Variants in ZCCHC17 observed in about 807,000 individuals in gnomAD.
ZCCHC17 encodes the protein zinc finger CCHC domain-containing protein 17.
A neutral mutation model predicts 30.6 loss-of-function variants in ZCCHC17; 18 were observed. That is an observed-to-expected ratio of 0.59 (90% CI 0.41 to 0.87). ZCCHC17 has a LOEUF of 0.87. Among genes scored for constraint, ZCCHC17 ranks in the 40% least tolerant of loss-of-function variants. The pLI, the probability that ZCCHC17 is intolerant of heterozygous loss-of-function variation, is 0.00. For synonymous variants in ZCCHC17, 88 were observed against 92.4 expected, an observed-to-expected ratio of 0.95 and a Z score of 0.27; for missense variants, 263 against 284.2, an observed-to-expected ratio of 0.93 and a Z score of 0.54.
intron 7 of ZCCHC17, among the ~76,000 whole-genome samples, chr1:31,352,875 ACT>A (rs1272450198): frequency 1.3e-5 from 2 of 151,806 alleles, no homozygotes; most frequent in Admixed American, 6.6e-5. Context: ...CTGAGACCCC[ACT>A]CTTCTTTCTT....
intron 3 of ZCCHC17, 105 bp from the exon 4 acceptor site, chr1:31,337,070 T>A (rs1158071806): frequency 1.9e-6 from 2 of 1,059,286 alleles, no homozygotes; most frequent in Non-Finnish European, 2.7e-6. Context: ...AGTAAAAATT[T>A]TCATTTTTCC....
At chr1:31,355,043 C>A (rs59326036) in intron 7 of ZCCHC17, among the ~76,000 whole-genome samples, 1 of 151,824 alleles carries the variant, frequency 6.6e-6, no homozygotes. Flanking sequence ...GGCGTGGTGG[C>A]GAGGGCCTGT....
intron 7 of ZCCHC17, among the ~76,000 whole-genome samples, chr1:31,349,862 ATTAC>A (rs1639407824): frequency 6.6e-6 from 1 of 152,114 alleles, no homozygotes; most frequent in Non-Finnish European, 1.5e-5. Flanking sequence ...GATATTTTTT[ATTAC>A]TTCCAACCTA....
At chr1:31,331,369 C>T (rs535243995) in intron 3 of ZCCHC17, among the ~76,000 whole-genome samples, 11 of 151,900 alleles carry the variant, frequency 7.2e-5, no homozygotes, top group African/African-American at 2.7e-4. Context: ...TGGTCTAGAA[C>T]TCCTGACTTC....
intron 7 of ZCCHC17, among the ~76,000 whole-genome samples, chr1:31,349,680 C>T (rs928689157): frequency 2.6e-5 from 4 of 152,200 alleles, no homozygotes; most frequent in African/African-American, 9.6e-5. Context: ...GCTACACATA[C>T]ATGTAAATAC....
intron 3 of ZCCHC17, among the ~76,000 whole-genome samples, chr1:31,335,013 A>C (rs113643012): frequency 1.3e-5 from 2 of 152,210 alleles, no homozygotes; most frequent in African/African-American, 4.8e-5. Context: ...CAGAAACTTA[A>C]TTGGGAAACA....
At chr1:31,336,040 C>A (rs150597269) in intron 3 of ZCCHC17, among the ~76,000 whole-genome samples, 1 of 151,598 alleles carries the variant, frequency 6.6e-6, no homozygotes, top group South Asian at 2.1e-4. Flanking sequence ...GTAATAATAC[C>A]GCAAGTTATT....
chr1:31,345,226 G>A lies in ZCCHC17; in HGVS notation c.318-1414G>A, dbSNP rs530990005. Among the ~76,000 whole-genome samples, 10 of 151,444 alleles carry A rather than the reference G, an allele frequency of 6.6e-5. 1 individual carries two copies. In the South Asian group the frequency reaches 1.0e-3, roughly 16 times the overall value. On this transcript the variant is annotated intron_variant, in intron 5 of 7. Coordinates refer to ENST00000344147, the MANE Select transcript of ZCCHC17 (RefSeq NM_016505.4). ...GGCTGGAGTGCAGTGGCGCAATCTC[G>A]GCTCACTGCAAGCTCTGCTTCCCAG...
chr1:31,341,001 C>T (rs2148458213), intron 5 of ZCCHC17, among the ~76,000 whole-genome samples: 1 of 152,308 alleles, frequency 6.6e-6, no homozygotes, highest in African/African-American at 2.4e-5. Flanking sequence ...ATGTTATCTC[C>T]ATTTTACCTT....
chr1:31,337,483 G>A (rs1004855537), intron 4 of ZCCHC17, among the ~76,000 whole-genome samples: 1 of 152,124 alleles, frequency 6.6e-6, no homozygotes, highest in African/African-American at 2.4e-5. Context: ...TAAAAGTGTG[G>A]TGCAATAAGT....
At chr1:31,344,641 C>A (rs1157218865) in intron 5 of ZCCHC17, among the ~76,000 whole-genome samples, 2 of 152,112 alleles carry the variant, frequency 1.3e-5, no homozygotes, top group Non-Finnish European at 2.9e-5. Context: ...GGGTGACTGA[C>A]ACATTTGTTG....
At chr1:31,337,081 C>G in intron 3 of ZCCHC17, 94 bp from the exon 4 acceptor site, 2 of 1,187,592 alleles carry the variant, frequency 1.7e-6, no homozygotes, top group Non-Finnish European at 1.2e-6. Context: ...TCATTTTTCC[C>G]TTGCATTCCC....
chr1:31,318,208 T>C lies in ZCCHC17; in HGVS notation c.67-901T>C, dbSNP rs1403841557. 7.8e-6 allele frequency: 12 copies of C among 1,535,178 alleles called. No individual in the cohort carries two copies. The Middle Eastern group carries it at 5.0e-4, about 64-fold the overall frequency. ...ACAGTGCTCAAGATGAAGCAGCTAA[T>C]TGAAGACACTGAAAAGAATAAAGTT... On this transcript the variant is annotated intron_variant, in intron 2 of 7. Transcript: ENST00000344147.
chr1:31,348,721 A>G, intron 6 of ZCCHC17, 108 bp from the exon 7 acceptor site: 1 of 1,368,908 alleles, frequency 7.3e-7, no homozygotes, highest in Non-Finnish European at 1.0e-6. Context: ...GAACTCAACA[A>G]TATTTCCTGA....
chr1:31,346,669 A>G lies in ZCCHC17; in HGVS notation c.347A>G (p.Gln116Arg). 6.2e-7 allele frequency: 1 copy of G among 1,613,346 alleles called. No homozygotes were observed. Among genetic ancestry groups the G allele is most frequent in the Non-Finnish European group, 8.5e-7 (1 of 1,179,608 alleles). ...GAAGAGAGGCGGAGGCGATCCTTCC[A>G]GGATTACACTGGGCAGAAGATCACC... ...EQEERRRRSFQDYTGQKITLE... is the reference protein window; with the variant it reads ...EQEERRRRSFRDYTGQKITLE... The change falls in exon 6 of 8, where the codon CAG becomes CGG. Residue 116 changes from glutamine (Q) to arginine (R), a missense_variant. Coordinates refer to ENST00000344147, the MANE Select transcript of ZCCHC17 (RefSeq NM_016505.4).
At chr1:31,313,094 T>C (rs1470521106) in intron 2 of ZCCHC17, among the ~76,000 whole-genome samples, 1 of 150,410 alleles carries the variant, frequency 6.6e-6, no homozygotes, top group Non-Finnish European at 1.5e-5. Flanking sequence ...TTTTTCTTTT[T>C]TTTGAGACAA....
intron 7 of ZCCHC17, among the ~76,000 whole-genome samples, chr1:31,351,465 T>A (rs1639467832): frequency 6.6e-6 from 1 of 151,948 alleles, no homozygotes; most frequent in African/African-American, 2.4e-5. Flanking sequence ...TTAAAGCACC[T>A]TTTTTGGCTG....
intron 6 of ZCCHC17, among the ~76,000 whole-genome samples, chr1:31,348,195 G>A (rs913827218): frequency 6.6e-6 from 1 of 152,216 alleles, no homozygotes; most frequent in East Asian, 1.9e-4. Flanking sequence ...GGAGGCATGA[G>A]ACCCAGGATA....
At chr1:31,318,537 T>A (rs1282527094) in intron 2 of ZCCHC17, among the ~76,000 whole-genome samples, 1 of 152,152 alleles carries the variant, frequency 6.6e-6, no homozygotes, top group African/African-American at 2.4e-5. Flanking sequence ...CTGTCAGATG[T>A]GTATGTATTG....
Sources: gnomAD v4.1 joint callset for allele counts (sites outside exome capture counted in the v4.1 genomes callset) on GRCh38, gnomAD v4.1.1 for gene constraint, MANE v1.5 for transcripts, NCBI Gene and HGNC (gene_info 2026-07-23, HGNC 2026-07-21) for gene names.